TTLL5: variants seen among roughly 807,000 people sequenced by gnomAD.
TTLL5 encodes tubulin polyglutamylase TTLL5.
In TTLL5, 132 loss-of-function variants were observed where a neutral mutation model predicts 168.4. That is an observed-to-expected ratio of 0.78 (90% CI 0.68 to 0.91). The LOEUF (loss-of-function observed/expected upper bound fraction) is 0.91. Ranked by LOEUF, TTLL5 falls within the 40% of genes least tolerant of loss-of-function variation. The pLI, the probability that TTLL5 is intolerant of heterozygous loss-of-function variation, is 0.00. For synonymous variants in TTLL5, 546 were observed against 558.6 expected (o/e 0.98, Z 0.32); for missense variants, 1,545 against 1,581.5 (o/e 0.98, Z 0.39).
chr14:75,944,887 C>T lies in TTLL5; in HGVS notation c.3824-9537C>T, dbSNP rs151318935. Among the ~76,000 whole-genome samples the T allele has an allele frequency of 5.6e-3, 848 of 152,210 alleles. 12 individuals are homozygous for T. Among genetic ancestry groups the T allele is most frequent in the South Asian group, 0.027 (128 of 4,814 alleles). The stretch of plus-strand genomic sequence containing the variant: ...AGGCAAAATGGCGGCCTTTAACTGG[C>T]ATATGACCTCCTAGGGACATTTGGC... On this transcript the variant is annotated intron_variant, in intron 31 of 31. Transcript: ENST00000298832.
chr14:75,834,811 AT>A (rs552455789), intron 28 of TTLL5, among the ~76,000 whole-genome samples: 3 of 152,202 alleles, frequency 2.0e-5, no homozygotes, highest in Non-Finnish European at 4.4e-5. Context: ...CACACCTGTA[AT>A]CCCAGCACTT....
In TTLL5 at chr14:75,783,094, TTGTA is replaced by T. The variant is rs564740478; in HGVS notation, c.2603-49_2603-46del. On this transcript the variant is annotated intron_variant, in intron 25 of 31. Transcript: ENST00000298832. ...TTTAAAAATATTTGTTTTATAGAGA[TTGTA>T]TGTTTGTTTTTCCTATAATGATGTC... 4.3e-5 allele frequency: 65 copies of T among 1,501,822 alleles called. 1 individual carries two copies. In the South Asian group the frequency reaches 7.6e-4, roughly 18 times the overall value. 93.0% of individuals were successfully genotyped at this position (1,501,822 alleles called of 1,614,324 possible).
At chr14:75,843,143 G>C (rs2139854055) in intron 28 of TTLL5, among the ~76,000 whole-genome samples, 1 of 152,278 alleles carries the variant, frequency 6.6e-6, no homozygotes, top group East Asian at 1.9e-4. Flanking sequence ...ACCTCCTTGT[G>C]ACAGATAGGA....
chr14:75,700,492 CTG>C (rs145398959), intron 7 of TTLL5, among the ~76,000 whole-genome samples: 2,369 of 152,274 alleles, frequency 0.016, 77 homozygotes, highest in African/African-American at 0.054. Flanking sequence ...AGCCAACACA[CTG>C]TGTATGAGGC....
chr14:75,833,870 T>G (rs1000694582), intron 28 of TTLL5, among the ~76,000 whole-genome samples: 2 of 152,216 alleles, frequency 1.3e-5, no homozygotes, highest in African/African-American at 2.4e-5. Flanking sequence ...AATTTTCCAT[T>G]TGATCTCTCT....
At chr14:75,676,108 A>G (rs1234741045) in intron 3 of TTLL5, among the ~76,000 whole-genome samples, 1 of 152,156 alleles carries the variant, frequency 6.6e-6, no homozygotes, top group Non-Finnish European at 1.5e-5. Flanking sequence ...CTTTTGTTCT[A>G]TTCTTGCCCT....
chr14:75,752,837 A>G, intron 17 of TTLL5, 56 bp from the exon 18 acceptor site: 6 of 1,517,218 alleles, frequency 4.0e-6, no homozygotes, highest in South Asian at 3.4e-5. Flanking sequence ...TTGTATTTCT[A>G]CATTTTCCTC....
chr14:75,741,481 C>T (rs1225881365), intron 15 of TTLL5, among the ~76,000 whole-genome samples: 3 of 148,996 alleles, frequency 2.0e-5, no homozygotes, highest in Non-Finnish European at 3.0e-5. Context: ...ACTGTTTTGC[C>T]CTTGTTTTTG....
intron 27 of TTLL5, among the ~76,000 whole-genome samples, chr14:75,798,530 TC>T (rs1165636639): frequency 6.6e-6 from 1 of 152,196 alleles, no homozygotes; most frequent in Non-Finnish European, 1.5e-5. Flanking sequence ...TTCTTGTTTC[TC>T]TAGTTCTCTG....
chr14:75,733,569 C>T (rs1053911211), intron 13 of TTLL5, among the ~76,000 whole-genome samples: 3 of 151,852 alleles, frequency 2.0e-5, no homozygotes, highest in African/African-American at 4.8e-5. Context: ...GCTTCTCTTG[C>T]GTGTGAATGT....
intron 28 of TTLL5, among the ~76,000 whole-genome samples, chr14:75,851,432 C>G (rs118022939): frequency 6.6e-6 from 1 of 152,046 alleles, no homozygotes; most frequent in Non-Finnish European, 1.5e-5. Flanking sequence ...GGTATATAGC[C>G]GCTGCTGGTA....
In TTLL5 at chr14:75,840,048, C is replaced by G. The variant is rs570939310; in HGVS notation, c.3326+19887C>G. 2.6e-5 allele frequency among the ~76,000 whole-genome samples: 4 copies of G among 152,252 alleles called. No individual in the cohort carries two copies. The East Asian group carries it at 7.7e-4, about 29-fold the overall frequency. ...CCCTGTTGACAATGTAACCCTTGAT[C>G]CACAAAAGTTTTTAAGTTTGATGAA... On this transcript the variant is annotated intron_variant, in intron 28 of 31. Transcript: ENST00000298832.
intron 31 of TTLL5, among the ~76,000 whole-genome samples, chr14:75,933,092 A>G: frequency 6.6e-6 from 1 of 152,214 alleles, no homozygotes; most frequent in East Asian, 1.9e-4. Flanking sequence ...TTTTATTGAT[A>G]GGTGAAGTTG....
chr14:75,933,014 G>A (rs1272273409), intron 31 of TTLL5, among the ~76,000 whole-genome samples: 1 of 152,130 alleles, frequency 6.6e-6, no homozygotes, highest in Non-Finnish European at 1.5e-5. Flanking sequence ...TTTGACTTTA[G>A]CCCCAATTCA....
chr14:75,775,563 T>C lies in TTLL5; in HGVS notation c.2216T>C (p.Leu739Ser), dbSNP rs1399512152. 3.1e-6 allele frequency: 5 copies of C among 1,614,034 alleles called. No individual in the cohort carries two copies. The East Asian group carries it at 8.9e-5, about 29-fold the overall frequency. ...AGGATGGTATTACCCAGTCGACGATTGGCACTTCTGGAACGCAGAAGAATC... is the reference window on the plus strand; with the variant it reads ...AGGATGGTATTACCCAGTCGACGATCGGCACTTCTGGAACGCAGAAGAATC... ...SLRMVLPSRR[L>S]ALLERRRILA... The change falls in exon 22 of 32, where the codon TTG becomes TCG. Residue 739 changes from leucine (L) to serine (S), a missense_variant. By Grantham distance (145) the Leu-to-Ser change is moderately radical (BLOSUM62 -2). Transcript: ENST00000298832.
intron 30 of TTLL5, 36 bp downstream of exon 30, chr14:75,882,938 A>G: frequency 6.3e-7 from 1 of 1,597,300 alleles, no homozygotes; most frequent in Non-Finnish European, 8.6e-7. Context: ...ACTGAGTTTT[A>G]TCAGTTCTAA....
intron 27 of TTLL5, among the ~76,000 whole-genome samples, chr14:75,815,918 A>C (rs951856439): frequency 3.3e-5 from 5 of 152,210 alleles, no homozygotes; most frequent in African/African-American, 1.2e-4. Context: ...GTGAAATATA[A>C]AACCCAGAGT....
chr14:75,670,251 T>C (rs767550976), intron 3 of TTLL5, among the ~76,000 whole-genome samples: 7 of 152,196 alleles, frequency 4.6e-5, no homozygotes, highest in Non-Finnish European at 8.8e-5. Context: ...ATTTTTTAGA[T>C]ACAGGATCTC....
intron 31 of TTLL5, 83 bp from the exon 32 acceptor site, chr14:75,954,341 T>C (rs1254828117): frequency 7.0e-7 from 1 of 1,421,450 alleles, no homozygotes. Flanking sequence ...TCAGTGATGT[T>C]AGATAAACCA....
Sources: gnomAD v4.1 joint callset for allele counts (sites outside exome capture counted in the v4.1 genomes callset) on GRCh38, gnomAD v4.1.1 for gene constraint, MANE v1.5 for transcripts, NCBI Gene and HGNC (gene_info 2026-07-23, HGNC 2026-07-21) for gene names.